Variants in EPS15L1 observed in about 807,000 individuals in gnomAD.
EPS15L1 encodes the protein epidermal growth factor receptor pathway substrate 15 like 1.
EPS15L1 carries 43 observed loss-of-function variants against 117.1 expected under a neutral mutation model. The ratio of observed to expected loss-of-function variants is 0.37; its 90% CI spans 0.29 to 0.47. EPS15L1 has a LOEUF of 0.47. Among genes scored for constraint, EPS15L1 ranks in the 20% least tolerant of loss-of-function variants. EPS15L1 has a pLI of 0.99. For missense variants in EPS15L1, 981 were observed against 1,164.0 expected (o/e 0.84, Z 2.29); for synonymous variants, 459 against 470.5 (o/e 0.98, Z 0.32).
chr19:16,405,734 A>T lies in EPS15L1; in HGVS notation c.1267-985T>A, dbSNP rs2092649712. Among the ~76,000 whole-genome samples the T allele has an allele frequency of 6.6e-6, 1 of 152,158 alleles. No homozygotes were observed. The highest frequency in any genetic ancestry group is 2.1e-4 in the South Asian group (1 of 4,830). On this transcript the variant is annotated intron_variant, in intron 13 of 23. Coordinates refer to ENST00000455140, the MANE Select transcript of EPS15L1 (RefSeq NM_001258374.3). The surrounding 1 kb of genome is among the most constrained non-coding windows in gnomAD (Gnocchi z 4.0). ...GGGAGGGTATGTGTGGTATGCATCA[A>T]CCTTTCTGGAAGGCCCCCTCCAGGA... is the stretch of plus-strand genomic sequence containing the variant.
chr19:16,391,804 C>T (rs1041529239), intron 19 of EPS15L1, among the ~76,000 whole-genome samples: 8 of 152,040 alleles, frequency 5.3e-5, no homozygotes, highest in Admixed American at 1.3e-4. Context: ...GCAAGGCAGC[C>T]GGGCTGAGAC....
rs34105711 is a variant in EPS15L1, at chr19:16,365,716, GC to G, written c.2381-3733del. ...GCCCAGCTTCTCCCTCCACGGGAAA[GC>G]CCCCCCTCCCCCAGGGTCCCTCACC... On this transcript the variant is annotated intron_variant, in intron 22 of 23. Coordinates refer to ENST00000455140, the MANE Select transcript of EPS15L1 (RefSeq NM_001258374.3). The surrounding 1 kb of genome is among the most constrained non-coding windows in gnomAD (Gnocchi z 4.9). Among the ~76,000 whole-genome samples the G allele has an allele frequency of 5.3e-5, 8 of 152,272 alleles. No individual in the cohort carries two copies. The highest frequency in any genetic ancestry group is 1.7e-4 in the African/African-American group (7 of 41,558).
rs967595905 is a variant in EPS15L1, at chr19:16,381,835, T to TC, written c.2247+3293dup. Among the ~76,000 whole-genome samples the TC allele has an allele frequency of 6.6e-6, 1 of 151,930 alleles. No individual in the cohort carries two copies. The highest frequency in any genetic ancestry group is 2.4e-5 in the African/African-American group (1 of 41,362). ...TCCCTGGGCCTAGGGCCCGTGCGAG[T>TC]CCCCCGCGGCCTGGGATGGGGAGCC... On this transcript the variant is annotated intron_variant, in intron 21 of 23. Transcript: ENST00000455140. This position sits in a 1 kb window ranked among gnomAD's most constrained non-coding sequence, Gnocchi z 4.2.
rs368331807 is a variant in EPS15L1 at position 16,405,434 on chromosome 19, A to G, written c.1267-685T>C. 5.6e-4 allele frequency among the ~76,000 whole-genome samples: 85 copies of G among 152,152 alleles called. No individual in the cohort carries two copies. Among genetic ancestry groups the G allele is most frequent in the African/African-American group, 1.8e-3 (74 of 41,500 alleles). On this transcript the variant is annotated intron_variant, in intron 13 of 23. Coordinates refer to ENST00000455140, the MANE Select transcript of EPS15L1 (RefSeq NM_001258374.3). The surrounding 1 kb of genome is among the most constrained non-coding windows in gnomAD (Gnocchi z 4.0). The stretch of plus-strand genomic sequence containing the variant: ...GATTCTGTTTCTGAAGCTCTCTCTG[A>G]CCCCGTGGGATGGATCCAGATGGTC...
chr19:16,423,581 A>T (rs202085014), intron 9 of EPS15L1, among the ~76,000 whole-genome samples: 3,641 of 149,872 alleles, frequency 0.024, 115 homozygotes, highest in Admixed American at 0.087. Flanking sequence ...TATATATTTA[A>T]AAAAAAAAAA....
chr19:16,444,337 G>GC (rs1236112935), intron 1 of EPS15L1, among the ~76,000 whole-genome samples: 1 of 152,154 alleles, frequency 6.6e-6, no homozygotes. Context: ...AGCAACAGCA[G>GC]CCCCAAGATG....
chr19:16,420,631 C>G (rs2144942088), intron 10 of EPS15L1, among the ~76,000 whole-genome samples: 1 of 152,342 alleles, frequency 6.6e-6, no homozygotes. Context: ...GAGGTATTTG[C>G]CTCTCGAGAA....
intron 13 of EPS15L1, among the ~76,000 whole-genome samples, chr19:16,410,454 C>A (rs1438739855): frequency 2.6e-5 from 4 of 152,210 alleles, no homozygotes; most frequent in African/African-American, 9.7e-5. Flanking sequence ...AACAGTCTGG[C>A]AGCTCCTCAA....
Position 16,471,772 on chromosome 19 carries a change from G to GC in EPS15L1, c.33+140dup. ...CGGCCTGTCACCTTCAGGGCCGCCT[G>GC]CCCACCCGCCCGCCGCAAGCCCTTC... is the stretch of plus-strand genomic sequence containing the variant. On this transcript the variant is annotated intron_variant, in intron 1 of 23. Transcript: ENST00000455140. This position sits in a 1 kb window ranked among gnomAD's most constrained non-coding sequence, Gnocchi z 4.8. The GC allele has an allele frequency of 3.7e-5, 11 of 297,712 alleles. No individual in the cohort carries two copies. The South Asian group carries it at 7.0e-4, about 19-fold the overall frequency. 18.4% of individuals were successfully genotyped at this position (297,712 alleles called of 1,614,324 possible).
intron 1 of EPS15L1, among the ~76,000 whole-genome samples, chr19:16,466,371 C>T (rs1447038685): frequency 1.3e-5 from 2 of 152,098 alleles, no homozygotes; most frequent in Non-Finnish European, 2.9e-5. Flanking sequence ...TGAGACCTTT[C>T]CTGACCTCCA....
Position 16,417,959 on chromosome 19 carries a change from T to C in EPS15L1, c.1096A>G (p.Thr366Ala). 1.9e-6 allele frequency: 3 copies of C among 1,613,528 alleles called. No individual in the cohort carries two copies. Among genetic ancestry groups the C allele is most frequent in the Non-Finnish European group, 2.5e-6 (3 of 1,179,804 alleles). Residue 366 changes from threonine (T) to alanine (A), a missense_variant, in exon 11 of 24, where the codon ACG becomes GCG. Coordinates refer to ENST00000455140, the MANE Select transcript of EPS15L1 (RefSeq NM_001258374.3). ...PDMVPPSERG[T>A]PGPDSSGSLG... is the part of the protein sequence containing the mutation. The stretch of plus-strand genomic sequence containing the variant: ...CCAGCACCACTCACCGGGCCGGGCG[T>C]GCCTCTCTCCGAAGGCGGGACCATG...
chr19:16,471,999 C>T (rs1234589412), upstream of EPS15L1: 2 of 1,230,418 alleles, frequency 1.6e-6, no homozygotes, highest in East Asian at 3.2e-5. This position sits in a 1 kb window ranked among gnomAD's most constrained non-coding sequence, Gnocchi z 4.8. Context: ...GGGCTGCAGC[C>T]ACGCGTGCGC....
intron 7 of EPS15L1, among the ~76,000 whole-genome samples, chr19:16,432,587 T>TAC (rs576510522): frequency 1.4e-5 from 2 of 145,360 alleles, no homozygotes; most frequent in Non-Finnish European, 3.0e-5. Context: ...AATAAATAAA[T>TAC]AAATACAAAT....
intron 22 of EPS15L1, among the ~76,000 whole-genome samples, chr19:16,363,911 CAGA>C (rs1362928786): frequency 6.6e-6 from 1 of 152,266 alleles, no homozygotes. Context: ...ACGGTTTGCA[CAGA>C]AGGACTCGGA....
chr19:16,361,509 C>A (rs756973133), intron 23 of EPS15L1: 17 of 1,009,670 alleles, frequency 1.7e-5, no homozygotes, highest in Non-Finnish European at 2.1e-5. Flanking sequence ...AATGAATCTA[C>A]CGTGAAGGAC....
At chr19:16,389,144 A>G (rs892494868) in intron 19 of EPS15L1, among the ~76,000 whole-genome samples, 2 of 147,094 alleles carry the variant, frequency 1.4e-5, no homozygotes, top group South Asian at 4.3e-4. Context: ...CGGAGGTTGG[A>G]AAAAAAAAAA....
At chr19:16,461,282 C>G (rs1400042334) in intron 1 of EPS15L1, among the ~76,000 whole-genome samples, 1 of 127,668 alleles carries the variant, frequency 7.8e-6, no homozygotes, top group Non-Finnish European at 1.6e-5. Flanking sequence ...CCAGCCTGGG[C>G]GACAGAGCAA....
intron 4 of EPS15L1, among the ~76,000 whole-genome samples, chr19:16,438,574 AC>A (rs2092998599): frequency 6.6e-6 from 1 of 152,098 alleles, no homozygotes; most frequent in Non-Finnish European, 1.5e-5. Context: ...TCACTCTGTC[AC>A]CCAGAGTGCA....
In EPS15L1 at chr19:16,471,529, G is replaced by A. The variant is rs1430447864; in HGVS notation, c.33+384C>T. ...CCCTGCCCGCCCGGGCGCCGGGACC[G>A]GAGGGAGACAAAGACTCGCTGGGCC... On this transcript the variant is annotated intron_variant, in intron 1 of 23. Transcript: ENST00000455140. This position sits in a 1 kb window ranked among gnomAD's most constrained non-coding sequence, Gnocchi z 4.8. 6.6e-6 allele frequency among the ~76,000 whole-genome samples: 1 copy of A among 152,178 alleles called. No homozygotes were observed. Among genetic ancestry groups the A allele is most frequent in the South Asian group, 2.1e-4 (1 of 4,830 alleles).
Sources: allele counts gnomAD v4.1 joint callset (sites outside exome capture counted in the v4.1 genomes callset), GRCh38; gene constraint gnomAD v4.1.1; non-coding constraint Gnocchi (gnomAD v3.1); transcripts MANE v1.5; gene names NCBI Gene and HGNC (gene_info 2026-07-23, HGNC 2026-07-21).